Variants in CCDC93 observed in about 807,000 individuals in gnomAD.
The protein encoded by CCDC93 is coiled-coil domain-containing protein 93.
CCDC93 carries 61 observed loss-of-function variants against 108.2 expected under a neutral mutation model. That is an observed-to-expected ratio of 0.56 (90% CI 0.46 to 0.70). The LOEUF is 0.70. Among genes scored for constraint, CCDC93 ranks in the 30% least tolerant of loss-of-function variants. The pLI is 0.00. For missense variants in CCDC93, 685 were observed against 764.2 expected (o/e 0.90, Z 1.22); for synonymous variants, 276 against 260.4 (o/e 1.06, Z -0.58).
intron 23 of CCDC93, among the ~76,000 whole-genome samples, chr2:117,920,894 G>C (rs1395693634): frequency 2.0e-5 from 3 of 152,142 alleles, no homozygotes; most frequent in Non-Finnish European, 4.4e-5. Flanking sequence ...TTCATCAAGA[G>C]ATAATGGGGC....
intron 1 of CCDC93, among the ~76,000 whole-genome samples, chr2:118,012,210 G>T (rs1200221538): frequency 6.6e-6 from 1 of 151,860 alleles, no homozygotes; most frequent in Admixed American, 6.6e-5. Flanking sequence ...GGAGGCAGAG[G>T]TTGCAATGAA....
chr2:117,937,031 C>T, intron 20 of CCDC93: 1 of 426,794 alleles, frequency 2.3e-6, no homozygotes. Flanking sequence ...GCTGAGAGGA[C>T]ACTAAGCTAA....
chr2:117,971,820 T>C (rs1679772409), intron 11 of CCDC93, among the ~76,000 whole-genome samples: 1 of 152,196 alleles, frequency 6.6e-6, no homozygotes, highest in African/African-American at 2.4e-5. Context: ...CAAAATAATA[T>C]GCAAATGTGA....
chr2:117,956,064 C>A (rs1679205690), intron 12 of CCDC93, among the ~76,000 whole-genome samples: 1 of 152,224 alleles, frequency 6.6e-6, no homozygotes, highest in African/African-American at 2.4e-5. Context: ...TCTGCACACA[C>A]ACAGAAACAT....
intron 14 of CCDC93, among the ~76,000 whole-genome samples, chr2:117,948,547 G>A (rs1273369156): frequency 2.6e-5 from 4 of 152,134 alleles, no homozygotes; most frequent in African/African-American, 9.7e-5. Flanking sequence ...AATCCATTCT[G>A]AAAAGGAAAC....
chr2:118,005,453 G>A (rs1263030146), intron 3 of CCDC93, among the ~76,000 whole-genome samples: 5 of 152,168 alleles, frequency 3.3e-5, no homozygotes, highest in Non-Finnish European at 4.4e-5. Flanking sequence ...AAGAATTCAT[G>A]CTAATGAACA....
intron 23 of CCDC93, chr2:117,921,656 C>T (rs377095813): frequency 5.1e-4 from 77 of 152,328 alleles, no homozygotes; most frequent in African/African-American, 1.7e-3. Flanking sequence ...GTCAATTTTT[C>T]CAGCTCCCTG....
intron 3 of CCDC93, among the ~76,000 whole-genome samples, chr2:118,001,304 T>C (rs1225653761): frequency 6.6e-6 from 1 of 152,238 alleles, no homozygotes; most frequent in African/African-American, 2.4e-5. Context: ...GTTTTACTGA[T>C]CTACTCTTTC....
intron 21 of CCDC93, among the ~76,000 whole-genome samples, chr2:117,936,040 AAAG>A (rs1334025480): frequency 6.6e-6 from 1 of 151,956 alleles, no homozygotes; most frequent in Non-Finnish European, 1.5e-5. Flanking sequence ...TTTTTTAAGA[AAAG>A]AAGCTTAAAA....
Position 117,947,125 on chromosome 2 carries a change from G to A in CCDC93, c.1225-243C>T, listed in dbSNP as rs868605698. Among the ~76,000 whole-genome samples, 4 of 152,310 alleles carry A rather than the reference G, an allele frequency of 2.6e-5. No individual in the cohort carries two copies. In the Middle Eastern group the frequency reaches 0.01, roughly 389 times the overall value. On this transcript the variant is annotated intron_variant, in intron 15 of 23. Coordinates refer to ENST00000376300, the MANE Select transcript of CCDC93 (RefSeq NM_019044.5). ...TTCTGAAGGGCTGGTGAGGTATACA[G>A]TAATCACTGGGCATTGAAATGAACA...
At chr2:117,992,939 C>T (rs1480948517) in intron 6 of CCDC93, among the ~76,000 whole-genome samples, 1 of 151,450 alleles carries the variant, frequency 6.6e-6, no homozygotes, top group Non-Finnish European at 1.5e-5. Context: ...GGGGCTTTAA[C>T]TAATCCATAG....
Position 117,973,983 on chromosome 2 carries a change from G to A in CCDC93, c.813C>T (p.Thr271=), listed in dbSNP as rs774357280. 16 of 1,609,330 alleles carry A rather than the reference G, an allele frequency of 9.9e-6. No individual in the cohort carries two copies. The highest frequency in any genetic ancestry group is 7.8e-5 in the South Asian group (7 of 90,202). ...TAMANEESRL[T]ASSVGQIVGL... ...CCACAATCTGGCCCACGGAGCTTGC[G>A]GTGAGACGGCTCTGCAAGTATATGG... The change falls in exon 11 of 24, where the codon ACC becomes ACT. Residue 271 remains threonine, a synonymous_variant. Coordinates refer to ENST00000376300, the MANE Select transcript of CCDC93 (RefSeq NM_019044.5).
intron 23 of CCDC93, among the ~76,000 whole-genome samples, chr2:117,928,573 C>A (rs1678208499): frequency 6.6e-6 from 1 of 152,176 alleles, no homozygotes; most frequent in Non-Finnish European, 1.5e-5. Context: ...CCATCTCACA[C>A]CAGTTAGAAT....
In CCDC93 at chr2:118,013,476, G is replaced by A. The variant is rs1429727292; in HGVS notation, c.42+478C>T. 2.0e-5 allele frequency among the ~76,000 whole-genome samples: 3 copies of A among 152,030 alleles called. No homozygotes were observed. In the East Asian group the frequency reaches 5.8e-4, roughly 30 times the overall value. Reference sequence around the variant, plus strand: ...ATTCCCTCCCGACAGCAAGGCGGGTGGGGCGGGCCGCCGGGACTCTGCGGG... The same window carrying A: ...ATTCCCTCCCGACAGCAAGGCGGGTAGGGCGGGCCGCCGGGACTCTGCGGG... On this transcript the variant is annotated intron_variant, in intron 1 of 23. Coordinates refer to ENST00000376300, the MANE Select transcript of CCDC93 (RefSeq NM_019044.5).
chr2:118,000,982 T>TAAAG, intron 3 of CCDC93, 50 bp from the exon 4 acceptor site: 1 of 1,094,514 alleles, frequency 9.1e-7, no homozygotes, highest in Non-Finnish European at 1.4e-6. Flanking sequence ...AAGTAGCCTT[T>TAAAG]ATGGCATCTC....
intron 20 of CCDC93, chr2:117,936,999 C>T (rs1208227730): frequency 4.1e-6 from 2 of 491,276 alleles, no homozygotes; most frequent in Admixed American, 3.3e-5. Context: ...GGAGAAGGTG[C>T]TTTGAAGGGA....
Position 117,974,850 on chromosome 2 carries a change from C to A in CCDC93, c.801G>T (p.Glu267Asp). The change falls in exon 10 of 24, where the codon GAG becomes GAT. Residue 267 changes from glutamate (E) to aspartate (D), a missense_variant and splice_region_variant. Glu to Asp is a conservative substitution (Grantham distance 45). Coordinates refer to ENST00000376300, the MANE Select transcript of CCDC93 (RefSeq NM_019044.5). Reference sequence around the variant, plus strand: ...CCACACCTCCCCGACTCCCACTCACCTCCTCATTTGCCATAGCGGTCATCT... The same window carrying A: ...CCACACCTCCCCGACTCCCACTCACATCCTCATTTGCCATAGCGGTCATCT... ...MTKMTAMANEESRLTASSVGQ... is the reference protein window; with the variant it reads ...MTKMTAMANEDSRLTASSVGQ... The A allele has an allele frequency of 6.4e-7, 1 of 1,570,588 alleles. No homozygotes were observed. Among genetic ancestry groups the A allele is most frequent in the Non-Finnish European group, 8.6e-7 (1 of 1,156,942 alleles).
At chr2:117,985,698 G>A (rs941822406) in intron 7 of CCDC93, among the ~76,000 whole-genome samples, 4 of 152,152 alleles carry the variant, frequency 2.6e-5, no homozygotes, top group African/African-American at 4.8e-5. Context: ...ACAGGGGCAT[G>A]CAGGACAGAG....
intron 7 of CCDC93, among the ~76,000 whole-genome samples, chr2:117,980,655 G>C (rs1680088257): frequency 6.6e-6 from 1 of 152,156 alleles, no homozygotes. Context: ...TGGAGAGGAA[G>C]AAATTTGCTT....
Sources: gnomAD v4.1 joint callset for allele counts (sites outside exome capture counted in the v4.1 genomes callset) on GRCh38, gnomAD v4.1.1 for gene constraint, MANE v1.5 for transcripts, NCBI Gene and HGNC (gene_info 2026-07-23, HGNC 2026-07-21) for gene names.